Variants in DOP1B observed in about 807,000 individuals in gnomAD.
DOP1B encodes the protein DOP1 leucine zipper like protein B.
Under a neutral mutation model 233.5 loss-of-function variants are expected in DOP1B, and 174 were observed. The observed-to-expected ratio is 0.75, with a 90% confidence interval of 0.66 to 0.85. The LOEUF is 0.85. DOP1B is among the 40% of genes least tolerant of loss of function. The pLI, the probability that DOP1B is intolerant of heterozygous loss-of-function variation, is 0.00. For missense variants in DOP1B, 2,652 were observed against 2,846.6 expected, an observed-to-expected ratio of 0.93 and a Z score of 1.56; for synonymous variants, 1,190 against 1,185.6, an observed-to-expected ratio of 1.00 and a Z score of -0.08.
At chr21:36,237,227 C>G (rs2123564999) in intron 15 of DOP1B, 35 bp from the exon 16 acceptor site, 1 of 1,613,844 alleles carries the variant, frequency 6.2e-7, no homozygotes, top group Admixed American at 1.7e-5. Flanking sequence ...CTGTGTTGAC[C>G]TGGTCCCCCA....
At chr21:36,238,573 C>T (rs746664075) in intron 16 of DOP1B, 28 bp from the exon 17 acceptor site, 2 of 1,607,856 alleles carry the variant, frequency 1.2e-6, no homozygotes, top group Admixed American at 1.7e-5. Context: ...AAACCAAGTT[C>T]CTCACTCCCA....
At chr21:36,266,415 C>A (rs1310830510) in intron 26 of DOP1B, among the ~76,000 whole-genome samples, 1 of 152,124 alleles carries the variant, frequency 6.6e-6, no homozygotes, top group African/African-American at 2.4e-5. Flanking sequence ...ACCTCGTGAT[C>A]CAGCCGCCTC....
At chr21:36,213,904 T>A (rs1334767304) in intron 7 of DOP1B, among the ~76,000 whole-genome samples, 177 bp from the exon 8 acceptor site, 2 of 152,092 alleles carry the variant, frequency 1.3e-5, no homozygotes, top group Non-Finnish European at 2.9e-5. Context: ...GCCTGTCTGA[T>A]CATTAGCCAC....
At chr21:36,194,485 CTCTT>C (rs1569012558) in intron 2 of DOP1B, among the ~76,000 whole-genome samples, 2 of 124,560 alleles carry the variant, frequency 1.6e-5, no homozygotes, top group Non-Finnish European at 3.4e-5. Context: ...CTCTCTCTCT[CTCTT>C]TTTTTTTTTT....
chr21:36,181,428 G>A (rs577926566), intron 2 of DOP1B, among the ~76,000 whole-genome samples: 122 of 152,222 alleles, frequency 8.0e-4, no homozygotes, highest in African/African-American at 2.8e-3. Flanking sequence ...ACAGGCGTGT[G>A]CCACCACGCC....
chr21:36,199,027 C>T lies in DOP1B; in HGVS notation c.139-43C>T, dbSNP rs111663177. ...CAGATCCACTCTCCATTGTAAATAT[C>T]GCTGCCTTCTTCCTCATGTGTTTTT... is the stretch of plus-strand genomic sequence containing the variant. On this transcript the variant is annotated intron_variant, in intron 2 of 36. Coordinates refer to ENST00000691173, the MANE Select transcript of DOP1B (RefSeq NM_001320714.2). The T allele has an allele frequency of 7.3e-4, 1,161 of 1,585,060 alleles. 1 individual carries two copies. Among genetic ancestry groups the T allele is most frequent in the African/African-American group, 3.1e-3 (233 of 74,076 alleles).
chr21:36,185,798 A>G (rs1315529022), intron 2 of DOP1B, among the ~76,000 whole-genome samples: 1 of 152,236 alleles, frequency 6.6e-6, no homozygotes, highest in Non-Finnish European at 1.5e-5. Context: ...CTTTGAGTCT[A>G]AGTGTCATAA....
At chr21:36,191,973 T>C (rs111667888) in intron 2 of DOP1B, among the ~76,000 whole-genome samples, 85 of 152,270 alleles carry the variant, frequency 5.6e-4, no homozygotes, top group African/African-American at 1.9e-3. Context: ...TATCCTGCCA[T>C]CCATCTCCAG....
chr21:36,213,794 C>T (rs897046759), intron 7 of DOP1B, among the ~76,000 whole-genome samples: 4 of 151,850 alleles, frequency 2.6e-5, no homozygotes, highest in African/African-American at 7.3e-5. Flanking sequence ...CCCACCTTGG[C>T]CTCCCAAAGT....
chr21:36,288,158 C>A lies in DOP1B; in HGVS notation c.6297+8C>A. The A allele has an allele frequency of 6.2e-7, 1 of 1,603,426 alleles. No homozygotes were observed. ...ATAATGGTCTCTGAATTGGTGAGTA[C>A]AAGTATTGTAAGTTTGAAAGCAAGG... is the stretch of plus-strand genomic sequence containing the variant. On this transcript the variant is annotated splice_region_variant and intron_variant, in intron 33 of 36. Coordinates refer to ENST00000691173, the MANE Select transcript of DOP1B (RefSeq NM_001320714.2).
chr21:36,157,515 G>C (rs1019553550), intron 1 of DOP1B, among the ~76,000 whole-genome samples: 1 of 152,214 alleles, frequency 6.6e-6, no homozygotes, highest in African/African-American at 2.4e-5. Flanking sequence ...CCGGCTGCTC[G>C]CGGGGACTGT....
rs35902930 is a variant in DOP1B, at chr21:36,288,743, A to ATT, written c.6298-5_6298-4dup. 5.9e-4 allele frequency: 922 copies of ATT among 1,574,178 alleles called. 4 individuals are homozygous for ATT. In the African/African-American group the frequency reaches 8.2e-3, roughly 14 times the overall value. The stretch of plus-strand genomic sequence containing the variant: ...CTGTCTCAGATAGTAACTTGAATGC[A>ATT]TTTTTTTTTCAGATTCAGACATTCA... On this transcript the variant is annotated splice_polypyrimidine_tract_variant and intron_variant, in intron 33 of 36. Coordinates refer to ENST00000691173, the MANE Select transcript of DOP1B (RefSeq NM_001320714.2).
At chr21:36,282,551 G>A (rs948681894) in intron 32 of DOP1B, among the ~76,000 whole-genome samples, 4 of 152,172 alleles carry the variant, frequency 2.6e-5, no homozygotes, top group East Asian at 1.9e-4. Flanking sequence ...CAAGGTACTC[G>A]GTGTTTACAG....
chr21:36,167,127 T>C (rs952779131), intron 2 of DOP1B, among the ~76,000 whole-genome samples: 1 of 152,162 alleles, frequency 6.6e-6, no homozygotes, highest in Non-Finnish European at 1.5e-5. Context: ...ATGTTTCACT[T>C]TTCAGTACTC....
rs1477078403 is a variant in DOP1B, at chr21:36,238,692, C to G, written c.2867C>G (p.Ser956Cys). ...AGTCGAGTAACATCTCACAATCGCT[C>G]CTTTGATAGGTGAGGCGGCCTTCGT... ...QGSRVTSHNR[S>C]FDRSLFVVLD... is the part of the protein sequence containing the mutation. Residue 956 changes from serine (S) to cysteine (C), a missense_variant, in exon 17 of 37, where the codon TCC becomes TGC. Ser to Cys is a moderately radical substitution (Grantham distance 112). Around this residue, in one of 3 missense-constraint regions of DOP1B, gnomAD observed 2,617 missense variants for 2,794.3 expected, o/e 0.94. Transcript: ENST00000691173. 3 of 1,614,074 alleles carry G rather than the reference C, an allele frequency of 1.9e-6. No individual in the cohort carries two copies. The highest frequency in any genetic ancestry group is 1.7e-5 in the Admixed American group (1 of 59,996).
At chr21:36,165,954 T>TG (rs921371383) in intron 2 of DOP1B, among the ~76,000 whole-genome samples, 3 of 150,948 alleles carry the variant, frequency 2.0e-5, no homozygotes, top group African/African-American at 7.3e-5. Context: ...TGACCTCAAG[T>TG]GATCCACCCA....
At chr21:36,177,130 G>C (rs755103249) in intron 2 of DOP1B, among the ~76,000 whole-genome samples, 3 of 152,252 alleles carry the variant, frequency 2.0e-5, no homozygotes, top group Admixed American at 6.5e-5. Context: ...CCATTTCTAA[G>C]GTGTGGCAAA....
chr21:36,182,039 T>G (rs894562611), intron 2 of DOP1B, among the ~76,000 whole-genome samples: 4 of 152,220 alleles, frequency 2.6e-5, no homozygotes, highest in African/African-American at 9.6e-5. Flanking sequence ...CAGTTCTGCC[T>G]TATATATTAC....
At chr21:36,283,153 C>T (rs1486524571) in intron 32 of DOP1B, among the ~76,000 whole-genome samples, 1 of 151,786 alleles carries the variant, frequency 6.6e-6, no homozygotes, top group Non-Finnish European at 1.5e-5. Context: ...GCAGTCTCGC[C>T]TCATTGAAAC....
Sources: allele counts gnomAD v4.1 joint callset (sites outside exome capture counted in the v4.1 genomes callset), GRCh38; gene constraint gnomAD v4.1.1; regional missense constraint gnomAD v4.1.1; transcripts MANE v1.5; gene names NCBI Gene and HGNC (gene_info 2026-07-23, HGNC 2026-07-21).